Variants in COBLL1 observed in about 807,000 individuals in gnomAD.
The protein encoded by COBLL1 is cordon-bleu WH2 repeat protein like 1.
COBLL1 carries 50 observed loss-of-function variants against 94.8 expected under a neutral mutation model. The ratio of observed to expected loss-of-function variants is 0.53; its 90% CI spans 0.42 to 0.67. COBLL1 has a LOEUF of 0.67. Ranked by LOEUF, COBLL1 falls within the 30% of genes least tolerant of loss-of-function variation. COBLL1 has a pLI of 0.00. For synonymous variants in COBLL1, 448 were observed against 473.8 expected, an observed-to-expected ratio of 0.95 and a Z score of 0.71; for missense variants, 1,362 against 1,348.7, an observed-to-expected ratio of 1.01 and a Z score of -0.15.
intron 2 of COBLL1, among the ~76,000 whole-genome samples, chr2:164,659,770 T>G (rs1385671900): frequency 6.6e-6 from 1 of 152,146 alleles, no homozygotes; most frequent in Non-Finnish European, 1.5e-5. Context: ...GCAATAAATA[T>G]TTATTCTGGA....
chr2:164,803,564 C>CAAAAAA (rs368867904), intron 2 of COBLL1, among the ~76,000 whole-genome samples: 3 of 140,990 alleles, frequency 2.1e-5, no homozygotes, highest in South Asian at 2.2e-4. Flanking sequence ...GACTCTGTCT[C>CAAAAAA]AAAAATAAAT....
At chr2:164,703,203 G>T in intron 9 of COBLL1, 1 of 1,612,388 alleles carries the variant, frequency 6.2e-7, no homozygotes, top group Non-Finnish European at 8.5e-7. Context: ...TGACTGGAAA[G>T]CCCAGGGTGA....
chr2:164,732,841 G>A (rs1051099015), intron 3 of COBLL1, among the ~76,000 whole-genome samples: 1 of 152,272 alleles, frequency 6.6e-6, no homozygotes, highest in Non-Finnish European at 1.5e-5. Flanking sequence ...GGATCATGAC[G>A]TCAGGAGATC....
intron 2 of COBLL1, among the ~76,000 whole-genome samples, chr2:164,775,066 A>G (rs1467735739): frequency 6.6e-6 from 1 of 151,966 alleles, no homozygotes; most frequent in Non-Finnish European, 1.5e-5. Context: ...TGAGGTAGGA[A>G]AATTGCTTAA....
chr2:164,686,177 A>G (rs1355861977), intron 13 of COBLL1, 145 bp from the exon 14 acceptor site: 2 of 501,346 alleles, frequency 4.0e-6, no homozygotes, highest in Non-Finnish European at 7.0e-6. Flanking sequence ...AATCAAGAAT[A>G]AATGTTCATT....
rs185264551 is a variant in COBLL1 at position 164,767,963 on chromosome 2, C to G, written c.42-24088G>C. On this transcript the variant is annotated intron_variant, in intron 2 of 13. Coordinates refer to ENST00000652658, the MANE Select transcript of COBLL1 (RefSeq NM_001365672.2). ...TGAACTAGAAATTACCCTACTGGTCCTAGCCCCAAACGGTGCAAAGAACAG... is the reference window on the plus strand; with the variant it reads ...TGAACTAGAAATTACCCTACTGGTCGTAGCCCCAAACGGTGCAAAGAACAG... Among the ~76,000 whole-genome samples, 51 of 152,254 alleles carry G rather than the reference C, an allele frequency of 3.3e-4. No individual in the cohort carries two copies. In the East Asian group the frequency reaches 7.7e-3, roughly 23 times the overall value.
intron 2 of COBLL1, among the ~76,000 whole-genome samples, chr2:164,820,208 C>G (rs1166100743): frequency 6.6e-6 from 1 of 150,862 alleles, no homozygotes; most frequent in Non-Finnish European, 1.5e-5. Context: ...GAGCAAAATG[C>G]TGTCATATCC....
chr2:164,672,955 G>T (rs1691269999), intron 1 of COBLL1, among the ~76,000 whole-genome samples: 1 of 152,038 alleles, frequency 6.6e-6, no homozygotes, highest in South Asian at 2.1e-4. Flanking sequence ...CACCCTCCCT[G>T]CATTGTGTAA....
chr2:164,789,747 A>C (rs1683090775), intron 2 of COBLL1, among the ~76,000 whole-genome samples: 1 of 152,230 alleles, frequency 6.6e-6, no homozygotes, highest in Non-Finnish European at 1.5e-5. Context: ...ATCAAAACTT[A>C]GATGGTAATT....
At chr2:164,725,824 T>C (rs568849127) in intron 5 of COBLL1, among the ~76,000 whole-genome samples, 29 of 152,268 alleles carry the variant, frequency 1.9e-4, no homozygotes, top group African/African-American at 6.7e-4. Flanking sequence ...TCATAGCAAG[T>C]CAGGTTAAAC....
At chr2:164,674,692 C>T (rs1691306586) in intron 1 of COBLL1, among the ~76,000 whole-genome samples, 1 of 152,096 alleles carries the variant, frequency 6.6e-6, no homozygotes, top group South Asian at 2.1e-4. Flanking sequence ...GGAGTCTACC[C>T]TCATGGGAAA....
chr2:164,806,193 T>C (rs889010491), intron 2 of COBLL1, among the ~76,000 whole-genome samples: 9 of 152,146 alleles, frequency 5.9e-5, no homozygotes, highest in South Asian at 2.1e-4. Context: ...CCTTTGAAAT[T>C]TGTGCTGCCA....
chr2:164,728,245 A>C, intron 4 of COBLL1, 48 bp from the exon 5 acceptor site: 4 of 1,141,224 alleles, frequency 3.5e-6, no homozygotes, highest in Non-Finnish European at 4.0e-6. Flanking sequence ...CACTGAAACA[A>C]ACACTCTACA....
rs148954553 is a variant in COBLL1, at chr2:164,694,966, G to A, written c.2426C>T (p.Pro809Leu). The change falls in exon 12 of 14, where the codon CCC becomes CTC. Residue 809 changes from proline (P) to leucine (L), a missense_variant. By Grantham distance (98) the Pro-to-Leu change is moderately conservative. Transcript: ENST00000652658. ...KPNLRTEHQVPSSVSSPDDAM... is the reference protein window; with the variant it reads ...KPNLRTEHQVLSSVSSPDDAM... ...ATCATCAGGTGAGCTCACAGAACTG[G>A]GCACTTGATGCTCTGTTCTCAGGTT... 11 of 1,613,832 alleles carry A rather than the reference G, an allele frequency of 6.8e-6. No individual in the cohort carries two copies. In the African/African-American group the frequency reaches 1.2e-4, roughly 18 times the overall value.
chr2:164,677,464 C>T (rs1039498671), downstream of COBLL1, among the ~76,000 whole-genome samples: 3 of 152,098 alleles, frequency 2.0e-5, no homozygotes, highest in African/African-American at 7.2e-5. Context: ...TATGGGACAA[C>T]AAAACATGCT....
chr2:164,802,673 T>C (rs1236116295), intron 2 of COBLL1, among the ~76,000 whole-genome samples: 1 of 152,228 alleles, frequency 6.6e-6, no homozygotes, highest in Non-Finnish European at 1.5e-5. Flanking sequence ...TGTAACAAAT[T>C]AAAAGTCTGA....
intron 2 of COBLL1, among the ~76,000 whole-genome samples, chr2:164,814,822 AC>A (rs1684636430): frequency 6.6e-6 from 1 of 152,204 alleles, no homozygotes; most frequent in Non-Finnish European, 1.5e-5. Context: ...ATAAATTCTT[AC>A]TATCCTCTAA....
At chr2:164,821,608 G>C (rs535103027) in intron 2 of COBLL1, among the ~76,000 whole-genome samples, 1 of 152,092 alleles carries the variant, frequency 6.6e-6, no homozygotes, top group Non-Finnish European at 1.5e-5. Flanking sequence ...TCAGAGACAA[G>C]GCCTTTTCAT....
In COBLL1 at chr2:164,694,763, C is replaced by G; in HGVS notation, c.2629G>C (p.Gly877Arg). The G allele has an allele frequency of 6.2e-7, 1 of 1,613,634 alleles. No homozygotes were observed. The highest frequency in any genetic ancestry group is 8.5e-7 in the Non-Finnish European group (1 of 1,179,902). ...FFLQMQKRVS[G>R]HYVTSAAAKS... ...GCAGCTGCAGATGTCACATAGTGAC[C>G]CGATACTCTCTTCTGCATCTGCAAA... Residue 877 changes from glycine (G) to arginine (R), a missense_variant, in exon 12 of 14, where the codon GGT becomes CGT. Transcript: ENST00000652658.
Sources: allele counts gnomAD v4.1 joint callset (sites outside exome capture counted in the v4.1 genomes callset), GRCh38; gene constraint gnomAD v4.1.1; transcripts MANE v1.5; gene names NCBI Gene and HGNC (gene_info 2026-07-23, HGNC 2026-07-21).